Variants in PTPRD observed in about 807,000 individuals in gnomAD.
PTPRD encodes the protein protein tyrosine phosphatase receptor type D.
A neutral mutation model predicts 214.5 loss-of-function variants in PTPRD; 34 were observed. The observed-to-expected ratio is 0.16, with a 90% CI of 0.12 to 0.21. The LOEUF is 0.21. Among genes scored for constraint, PTPRD ranks in the 10% least tolerant of loss-of-function variants. The probability of loss-of-function intolerance (pLI) is 1.00; values close to 1 mark genes in which losing one functional copy is unlikely to be tolerated. For synonymous variants in PTPRD, 1,128 were observed against 845.7 expected, an observed-to-expected ratio of 1.33 and a Z score of -5.79; for missense variants, 2,545 against 2,398.7, an observed-to-expected ratio of 1.06 and a Z score of -1.27.
At chr9:9,915,660 A>G (rs1716762310) in intron 5 of PTPRD, among the ~76,000 whole-genome samples, 1 of 151,942 alleles carries the variant, frequency 6.6e-6, no homozygotes, top group Non-Finnish European at 1.5e-5. Context: ...CTGACCTTGA[A>G]AACAGATCTT....
chr9:8,339,573 T>C (rs1038906077), intron 42 of PTPRD, among the ~76,000 whole-genome samples: 12 of 152,094 alleles, frequency 7.9e-5, no homozygotes, highest in South Asian at 4.1e-4. Flanking sequence ...TGCAGAGTCA[T>C]TGGCCAAATC....
intron 10 of PTPRD, among the ~76,000 whole-genome samples, chr9:9,019,506 A>C (rs1344039085): frequency 1.3e-5 from 2 of 152,248 alleles, no homozygotes; most frequent in Admixed American, 6.5e-5. Flanking sequence ...GGAATTCAAC[A>C]CCAGCCTGGC....
chr9:8,330,137 C>T (rs761131145), intron 44 of PTPRD, among the ~76,000 whole-genome samples: 9 of 152,158 alleles, frequency 5.9e-5, no homozygotes, highest in Non-Finnish European at 8.8e-5. Flanking sequence ...GGGAAATCCC[C>T]TGACCCCTTG....
At chr9:9,607,209 G>A (rs2094219387) in intron 7 of PTPRD, among the ~76,000 whole-genome samples, 1 of 152,010 alleles carries the variant, frequency 6.6e-6, no homozygotes, top group African/African-American at 2.4e-5. Flanking sequence ...ATGACTTAGA[G>A]CATAAGTTGA....
chr9:10,126,426 T>TATAC (rs1176625136), intron 3 of PTPRD, among the ~76,000 whole-genome samples: 2 of 96,118 alleles, frequency 2.1e-5, no homozygotes, highest in South Asian at 2.7e-4. Context: ...GTTTTATATA[T>TATAC]ACACACACAC....
intron 7 of PTPRD, among the ~76,000 whole-genome samples, chr9:9,640,718 A>T (rs1480565580): frequency 7.2e-5 from 11 of 152,242 alleles, no homozygotes; most frequent in Non-Finnish European, 1.5e-4. Context: ...TCTTGATCAC[A>T]TTTATGAGGC....
intron 14 of PTPRD, among the ~76,000 whole-genome samples, chr9:8,582,623 A>G (rs1431426417): frequency 6.6e-6 from 1 of 152,244 alleles, no homozygotes. Flanking sequence ...GAGAATAAGG[A>G]TAAGAAAGAT....
chr9:9,227,744 G>A (rs2099960449), intron 9 of PTPRD, among the ~76,000 whole-genome samples: 1 of 152,052 alleles, frequency 6.6e-6, no homozygotes, highest in South Asian at 2.1e-4. Flanking sequence ...CAGCCCACAG[G>A]CAGTGAAGAA....
intron 10 of PTPRD, among the ~76,000 whole-genome samples, chr9:9,158,785 T>A (rs1026575141): frequency 1.3e-5 from 2 of 152,108 alleles, no homozygotes; most frequent in African/African-American, 2.4e-5. Flanking sequence ...ATATTGCAGA[T>A]GAATATACAT....
At chr9:9,724,254 A>G (rs1234597812) in intron 7 of PTPRD, among the ~76,000 whole-genome samples, 2 of 152,144 alleles carry the variant, frequency 1.3e-5, no homozygotes, top group African/African-American at 4.8e-5. Flanking sequence ...GGTTGCATCC[A>G]AAGTTTGAGA....
At chr9:8,628,204 C>A (rs1293782033) in intron 14 of PTPRD, among the ~76,000 whole-genome samples, 3 of 151,762 alleles carry the variant, frequency 2.0e-5, no homozygotes, top group African/African-American at 7.3e-5. Context: ...GCGGGGACAA[C>A]TGTGTTCATC....
rs1017326384 is a variant in PTPRD at position 9,842,997 on chromosome 9, C to A, written c.-367-76146G>T. On this transcript the variant is annotated intron_variant, in intron 5 of 45. Transcript: ENST00000381196. ...GTCTACACTGTAAGGCAGGAGTTAG[C>A]AAACTATGGCCCTTGGACCAATTCA... is the stretch of plus-strand genomic sequence containing the variant. 3.3e-5 allele frequency among the ~76,000 whole-genome samples: 5 copies of A among 152,078 alleles called. No individual in the cohort carries two copies. In the South Asian group the frequency reaches 1.0e-3, roughly 31 times the overall value.
At chr9:9,947,371 A>AG (rs1586794416) in intron 4 of PTPRD, among the ~76,000 whole-genome samples, 27 of 56,874 alleles carry the variant, frequency 4.7e-4, no homozygotes, top group East Asian at 2.8e-3. Flanking sequence ...TATTATATAT[A>AG]TATTATATAT....
In PTPRD at chr9:9,024,348, G is replaced by GT. The variant is rs752607769; in HGVS notation, c.-142-5614dup. On this transcript the variant is annotated intron_variant, in intron 10 of 45. Coordinates refer to ENST00000381196, the MANE Select transcript of PTPRD (RefSeq NM_002839.4). ...TATTGTCGATTCTTTGTTTTTTTTT[G>GT]TTTGTTTTTTTTTTTTTCCTGTATA... Among the ~76,000 whole-genome samples the GT allele has an allele frequency of 1.4e-3, 93 of 64,150 alleles. 1 individual carries two copies. Among genetic ancestry groups the GT allele is most frequent in the East Asian group, 6.0e-3 (10 of 1,658 alleles). The allele number at this position is 64,150 out of a possible 152,430, so 42.1% of individuals were successfully genotyped here. A position where few individuals can be genotyped will look rare whatever the true frequency, so the allele number is the denominator to read the frequency against.
chr9:10,361,598 T>C (rs921060588), intron 2 of PTPRD, among the ~76,000 whole-genome samples: 1 of 152,118 alleles, frequency 6.6e-6, no homozygotes, highest in African/African-American at 2.4e-5. Context: ...AGAGAATCAG[T>C]AAAGAATCTG....
At chr9:9,107,049 G>A (rs1037554749) in intron 10 of PTPRD, among the ~76,000 whole-genome samples, 5 of 152,064 alleles carry the variant, frequency 3.3e-5, no homozygotes, top group African/African-American at 1.2e-4. Flanking sequence ...AGATTTTTAT[G>A]TCTGATTAAC....
intron 2 of PTPRD, among the ~76,000 whole-genome samples, chr9:10,494,028 C>T (rs908369333): frequency 1.3e-5 from 2 of 151,810 alleles, no homozygotes; most frequent in African/African-American, 2.4e-5. Context: ...TACCAGATGC[C>T]TTCTTGTAAT....
At chr9:8,342,078 C>A (rs939587678) in intron 39 of PTPRD, 100 bp from the exon 40 acceptor site, 3 of 1,213,980 alleles carry the variant, frequency 2.5e-6, no homozygotes, top group Non-Finnish European at 3.3e-6. Context: ...ACCTTACATC[C>A]ATTACTTCTA....
chr9:9,622,181 G>A (rs746135921), intron 7 of PTPRD, among the ~76,000 whole-genome samples: 2 of 152,116 alleles, frequency 1.3e-5, no homozygotes, highest in African/African-American at 2.4e-5. Context: ...TAGACCATTA[G>A]ACCTGCTATG....
Sources: allele counts gnomAD v4.1 joint callset (sites outside exome capture counted in the v4.1 genomes callset), GRCh38; gene constraint gnomAD v4.1.1; transcripts MANE v1.5; gene names NCBI Gene and HGNC (gene_info 2026-07-23, HGNC 2026-07-21).